COL6A5: variants seen among roughly 807,000 people sequenced by gnomAD.
COL6A5 encodes the protein collagen alpha-5(VI) chain.
COL6A5 carries 48 observed loss-of-function variants against 65.6 expected under a neutral mutation model. That is an observed-to-expected ratio of 0.73 (90% CI 0.58 to 0.93). The LOEUF is 0.93. COL6A5 is among the 40% of genes least tolerant of loss of function. The pLI is 0.00. For synonymous variants in COL6A5, 291 were observed against 322.8 expected, an observed-to-expected ratio of 0.90 and a Z score of 1.05; for missense variants, 914 against 928.3, an observed-to-expected ratio of 0.98 and a Z score of 0.20.
At chr3:130,421,190 G>GA (rs1318480986) in exon 26 of COL6A5, 1 of 1,550,516 alleles carries the variant, frequency 6.4e-7, no homozygotes, top group African/African-American at 1.4e-5. Context: ...CAGATGGGAC[G>GA]AAAAGGAGTA....
At chr3:130,396,010 G>T (rs1936589102) in intron 8 of COL6A5, among the ~76,000 whole-genome samples, 1 of 152,144 alleles carries the variant, frequency 6.6e-6, no homozygotes, top group Non-Finnish European at 1.5e-5. Context: ...TAATCCAGAG[G>T]TCACAAAGGC....
intron 25 of COL6A5, among the ~76,000 whole-genome samples, chr3:130,419,676 TACA>T (rs1463860487): frequency 6.6e-6 from 1 of 152,082 alleles, no homozygotes; most frequent in African/African-American, 2.4e-5. Flanking sequence ...GAAAGTTAAA[TACA>T]ACAAGATCTC....
rs566604012 is a variant in COL6A5 at position 130,462,024 on chromosome 3, C to T, written c.1544+6358C>T. On this transcript the variant is annotated intron_variant, in intron 5 of 7. Transcript: ENST00000512836. The stretch of plus-strand genomic sequence containing the variant: ...CAAAAAGACATGAATTCTAAGTCTT[C>T]GGAGAAAAGGATGAAGTCTATTTTA... Among the ~76,000 whole-genome samples the T allele has an allele frequency of 6.3e-4, 96 of 152,010 alleles. 2 individuals are homozygous for T. The highest frequency in any genetic ancestry group is 5.2e-3 in the South Asian group (25 of 4,804).
intron 10 of COL6A5, 60 bp from the exon 11 acceptor site, chr3:130,400,971 C>G: frequency 7.5e-7 from 1 of 1,325,006 alleles, no homozygotes; most frequent in Non-Finnish European, 1.0e-6. Flanking sequence ...ATTATTATGT[C>G]TTCTTCTTTT....
At chr3:130,364,590 A>G (rs1478663967) in intron 1 of COL6A5, among the ~76,000 whole-genome samples, 1 of 152,250 alleles carries the variant, frequency 6.6e-6, no homozygotes, top group African/African-American at 2.4e-5. Context: ...GTAGTCAGAG[A>G]GCAGGCGGGT....
At chr3:130,423,790 T>C (rs778887217) in intron 28 of COL6A5, 48 bp from the exon 29 acceptor site, 14 of 1,415,502 alleles carry the variant, frequency 9.9e-6, no homozygotes, top group Non-Finnish European at 1.3e-5. Flanking sequence ...GTAGTCCCCA[T>C]AGATAGACAG....
In COL6A5 at chr3:130,484,025, T is replaced by C. The variant is rs374519735; in HGVS notation, c.2329-10T>C. The C allele has an allele frequency of 3.8e-5, 61 of 1,607,330 alleles. No individual in the cohort carries two copies. Among genetic ancestry groups the C allele is most frequent in the Non-Finnish European group, 4.8e-5 (56 of 1,176,716 alleles). ...ACATTAAAAGCAGTGAATATTGTTA[T>C]ATTTTGCAGATGGTGAAGATACAAG... On this transcript the variant is annotated splice_polypyrimidine_tract_variant and intron_variant, in intron 7 of 7. Transcript: ENST00000512836.
chr3:130,348,344 A>G lies in COL6A5; in HGVS notation c.-29+2363A>G, dbSNP rs146340971. The stretch of plus-strand genomic sequence containing the variant: ...TGTGTCCAGGTGTTCTCATTGTTCA[A>G]CTCCCACTTATGAGTGACAACATGC... On this transcript the variant is annotated intron_variant and NMD_transcript_variant, in intron 1 of 41. Transcript: ENST00000312481. Among the ~76,000 whole-genome samples, 214 of 151,478 alleles carry G rather than the reference A, an allele frequency of 1.4e-3. 2 individuals carry two copies. Among genetic ancestry groups the G allele is most frequent in the Non-Finnish European group, 2.2e-3 (150 of 67,832 alleles).
intron 10 of COL6A5, among the ~76,000 whole-genome samples, chr3:130,398,786 A>G (rs1387579141): frequency 5.3e-5 from 8 of 152,200 alleles, no homozygotes; most frequent in African/African-American, 1.9e-4. Context: ...GGTCAACTCT[A>G]GTACAATTTG....
chr3:130,373,222 A>G (rs1261971318), intron 1 of COL6A5, among the ~76,000 whole-genome samples: 1 of 152,206 alleles, frequency 6.6e-6, no homozygotes, highest in Non-Finnish European at 1.5e-5. Flanking sequence ...CTTATGACAC[A>G]GTGGTTAAGA....
At chr3:130,430,908 T>C (rs1397137744), upstream of COL6A5, among the ~76,000 whole-genome samples, 1 of 152,218 alleles carries the variant, frequency 6.6e-6, no homozygotes, top group East Asian at 1.9e-4. Flanking sequence ...TCACAGTGAA[T>C]GTTATGCTGC....
intron 4 of COL6A5, among the ~76,000 whole-genome samples, chr3:130,455,053 T>C (rs1482954301): frequency 6.6e-6 from 1 of 151,974 alleles, no homozygotes; most frequent in Non-Finnish European, 1.5e-5. Flanking sequence ...GGTGGGAAGA[T>C]TGCTAGAGCC....
intron 7 of COL6A5, among the ~76,000 whole-genome samples, chr3:130,481,050 T>C (rs990860499): frequency 1.3e-5 from 2 of 151,932 alleles, no homozygotes; most frequent in African/African-American, 2.4e-5. Context: ...TTTCTTTCTT[T>C]CTTTTTTTTT....
intron 7 of COL6A5, among the ~76,000 whole-genome samples, chr3:130,472,828 TATAC>T (rs1709987906): frequency 1.5e-5 from 1 of 67,402 alleles, no homozygotes; most frequent in African/African-American, 5.7e-5. Flanking sequence ...TATGTGTGTG[TATAC>T]ATATATATAT....
intron 28 of COL6A5, 31 bp from the exon 29 acceptor site, chr3:130,423,807 A>G (rs1298210132): frequency 6.6e-6 from 10 of 1,517,238 alleles, no homozygotes; most frequent in South Asian, 1.2e-5. Context: ...ACAGTGTTGA[A>G]ACTAATGTAT....
At chr3:130,457,732 GC>G (rs1372662557) in intron 5 of COL6A5, among the ~76,000 whole-genome samples, 1 of 152,030 alleles carries the variant, frequency 6.6e-6, no homozygotes, top group Non-Finnish European at 1.5e-5. Context: ...GGAACTTCGT[GC>G]TATTCTCTTT....
intron 5 of COL6A5, among the ~76,000 whole-genome samples, chr3:130,385,753 A>G (rs1256400293): frequency 6.6e-6 from 1 of 152,034 alleles, no homozygotes; most frequent in East Asian, 1.9e-4. Flanking sequence ...GTACAGTGGA[A>G]GGAAAATGGA....
chr3:130,458,426 G>A (rs934657197), intron 5 of COL6A5, among the ~76,000 whole-genome samples: 6 of 152,110 alleles, frequency 3.9e-5, no homozygotes, highest in Non-Finnish European at 7.4e-5. Context: ...TACACAAGCA[G>A]CATCAGCATC....
intron 24 of COL6A5, among the ~76,000 whole-genome samples, chr3:130,417,881 G>T (rs1407530512): frequency 1.3e-5 from 2 of 152,020 alleles, no homozygotes; most frequent in African/African-American, 4.8e-5. Flanking sequence ...ATTGTATCAC[G>T]GGTCTTGGCT....
Sources: gnomAD v4.1 joint callset for allele counts (sites outside exome capture counted in the v4.1 genomes callset) on GRCh38, gnomAD v4.1.1 for gene constraint, MANE v1.5 for transcripts, NCBI Gene and HGNC (gene_info 2026-07-23, HGNC 2026-07-21) for gene names.